The following COL18A1 variants were observed in gnomAD, a reference collection of about 807,000 sequenced individuals.
COL18A1 encodes the protein collagen type XVIII alpha 1 chain.
A neutral mutation model predicts 168.0 loss-of-function variants in COL18A1; 133 were observed. That is an observed-to-expected ratio of 0.79 (90% CI 0.69 to 0.91). The LOEUF is 0.91. Ranked by LOEUF, COL18A1 falls within the 40% of genes least tolerant of loss-of-function variation. The pLI, the probability that COL18A1 is intolerant of heterozygous loss-of-function variation, is 0.00. For missense variants in COL18A1, 2,126 were observed against 1,925.4 expected, an observed-to-expected ratio of 1.10 and a Z score of -1.95; for synonymous variants, 949 against 809.0, an observed-to-expected ratio of 1.17 and a Z score of -2.94.
chr21:45,501,160 A>T (rs1487765411), intron 32 of COL18A1, among the ~76,000 whole-genome samples: 3 of 151,946 alleles, frequency 2.0e-5, no homozygotes, highest in Non-Finnish European at 4.4e-5. Context: ...ACATGGTCAA[A>T]AATAAATGTT....
At chr21:45,467,467 G>A in intron 2 of COL18A1, 1 of 981,716 alleles carries the variant, frequency 1.0e-6, no homozygotes, top group Non-Finnish European at 1.2e-6. Context: ...GTGGCCCCGA[G>A]GGGAATCAGC....
Position 45,474,048 on chromosome 21 carries a change from G to C in COL18A1, c.738+67G>C, listed in dbSNP as rs1048158526. The C allele has an allele frequency of 1.6e-4, 206 of 1,305,080 alleles. No homozygotes were observed. In the African/African-American group the frequency reaches 2.8e-3, roughly 18 times the overall value. The allele number at this position is 1,305,080 out of a possible 1,614,324, so 80.8% of individuals were successfully genotyped here. On this transcript the variant is annotated intron_variant, in intron 4 of 41. Transcript: ENST00000651438. ...CCTGGCACGCGGAGTTCAGGGCCAA[G>C]GTCTATGACAGGAAAAGTCCCAAAA...
intron 32 of COL18A1, among the ~76,000 whole-genome samples, chr21:45,499,154 C>T (rs1183351773): frequency 6.6e-6 from 1 of 152,168 alleles, no homozygotes; most frequent in Non-Finnish European, 1.5e-5. Flanking sequence ...CCAAAATATC[C>T]AAGAAAGTCA....
intron 6 of COL18A1, 78 bp downstream of exon 6, chr21:45,476,558 G>C (rs186884759): frequency 6.6e-7 from 1 of 1,511,648 alleles, no homozygotes; most frequent in Non-Finnish European, 9.0e-7. Context: ...GTGATGGTGA[G>C]GTATGTGTGT....
At chr21:45,456,410 G>T in intron 2 of COL18A1, 1 of 1,545,654 alleles carries the variant, frequency 6.5e-7, no homozygotes, top group Non-Finnish European at 8.8e-7. Context: ...TCAGGTCGCA[G>T]TCACCACTTT....
chr21:45,444,685 A>G (rs1261588472), intron 2 of COL18A1, among the ~76,000 whole-genome samples: 2 of 151,768 alleles, frequency 1.3e-5, no homozygotes, highest in East Asian at 3.9e-4. Flanking sequence ...AGGAAACACT[A>G]CTCCACGTGT....
chr21:45,489,043 C>T (rs1010233118), intron 18 of COL18A1, among the ~76,000 whole-genome samples: 5 of 152,242 alleles, frequency 3.3e-5, no homozygotes, highest in African/African-American at 1.2e-4. Context: ...CGTGCGGGGC[C>T]AAGGGCGCAC....
In COL18A1 at chr21:45,512,423, G is replaced by A. The variant is rs775823940; in HGVS notation, c.*25G>A. 39 of 1,606,492 alleles carry A rather than the reference G, an allele frequency of 2.4e-5. No homozygotes were observed. The South Asian group carries it at 3.8e-4, about 16-fold the overall frequency. On this transcript the variant is annotated 3_prime_UTR_variant, in exon 42 of 42. Coordinates refer to ENST00000651438, the MANE Select transcript of COL18A1 (RefSeq NM_001379500.1). ...GCCACCGCCTGGATGCGGATGGCCG[G>A]AGAGGACCGGCGGCTCGGAGGAAGC...
At chr21:45,497,917 T>C in intron 32 of COL18A1, 1 of 608,368 alleles carries the variant, frequency 1.6e-6, no homozygotes, top group Non-Finnish European at 2.9e-6. Flanking sequence ...TGGCTGCCCT[T>C]CCATGCTAGA....
chr21:45,493,120 A>C, intron 24 of COL18A1, 43 bp from the exon 25 acceptor site: 2 of 1,530,000 alleles, frequency 1.3e-6, no homozygotes, highest in Non-Finnish European at 8.9e-7. Context: ...GGGATGGGGG[A>C]GATGCCAGCC....
chr21:45,502,857 C>T (rs1373307850), intron 32 of COL18A1: 1 of 152,200 alleles, frequency 6.6e-6, no homozygotes, highest in Non-Finnish European at 1.5e-5. Context: ...TTTCTCAGCA[C>T]GTCTCCCACG....
At chr21:45,460,622 G>C (rs1227572712) in intron 2 of COL18A1, among the ~76,000 whole-genome samples, 1 of 152,252 alleles carries the variant, frequency 6.6e-6, no homozygotes, top group Admixed American at 6.5e-5. Context: ...TGCTCCTTTA[G>C]TCAAATGCAG....
chr21:45,452,630 G>A (rs1602412664), intron 2 of COL18A1, among the ~76,000 whole-genome samples: 1 of 151,938 alleles, frequency 6.6e-6, no homozygotes, highest in Non-Finnish European at 1.5e-5. Flanking sequence ...TATCTGACAT[G>A]TAAGCATGTG....
At chr21:45,459,582 C>T (rs989027336) in intron 2 of COL18A1, among the ~76,000 whole-genome samples, 1 of 152,210 alleles carries the variant, frequency 6.6e-6, no homozygotes, top group African/African-American at 2.4e-5. Context: ...ACAGTGCAGC[C>T]GTGCTGGGGC....
chr21:45,484,378 ACAC>A (rs1476157868), intron 15 of COL18A1, among the ~76,000 whole-genome samples: 3 of 139,642 alleles, frequency 2.1e-5, no homozygotes, highest in Non-Finnish European at 3.0e-5. Flanking sequence ...ACACGCACAC[ACAC>A]ATCTCCAGCA....
At position 45,463,652 on chromosome 21, in the gene COL18A1, C is replaced by T. The variant is rs1237808105; in HGVS notation, c.107-4590C>T. Among the ~76,000 whole-genome samples the T allele has an allele frequency of 1.3e-5, 2 of 152,172 alleles. No homozygotes were observed. The highest frequency in any genetic ancestry group is 1.3e-4 in the Admixed American group (2 of 15,278). ...GTGGCTCACGTCTGTAATCCCAGCA[C>T]TTTGGGATGCCGAGGCATGCGGATC... is the stretch of plus-strand genomic sequence containing the variant. On this transcript the variant is annotated intron_variant, in intron 2 of 41. Coordinates refer to ENST00000651438, the MANE Select transcript of COL18A1 (RefSeq NM_001379500.1). This position sits in a 1 kb window ranked among gnomAD's most constrained non-coding sequence, Gnocchi z 4.0.
Position 45,455,434 on chromosome 21 carries a change from C to T in COL18A1, c.107-12808C>T, listed in dbSNP as rs893054570. On this transcript the variant is annotated intron_variant, in intron 2 of 41. Transcript: ENST00000651438. ...AGACAGCCGGCCAGAGGCTGGGAAG[C>T]CTGCACAGGGGAGGGCAGGAGGGCG... 508 of 1,549,200 alleles carry T rather than the reference C, an allele frequency of 3.3e-4. No individual in the cohort carries two copies. The African/African-American group carries it at 5.8e-3, about 18-fold the overall frequency.
Position 45,437,942 on chromosome 21 carries a change from TCAGA to T in COL18A1, c.107-30297_107-30294del, listed in dbSNP as rs1475190705. Among the ~76,000 whole-genome samples the T allele has an allele frequency of 4.7e-4, 5 of 10,650 alleles. 1 individual carries two copies. Among genetic ancestry groups the T allele is most frequent in the Admixed American group, 9.5e-4 (1 of 1,058 alleles). The allele number at this position is 10,650 out of a possible 152,430, so 7.0% of individuals were successfully genotyped here. A position where few individuals can be genotyped will look rare whatever the true frequency, so the allele number is the denominator to read the frequency against. On this transcript the variant is annotated intron_variant, in intron 2 of 41. Coordinates refer to ENST00000651438, the MANE Select transcript of COL18A1 (RefSeq NM_001379500.1). Reference sequence around the variant, plus strand: ...CTCTCCTGCACACACACACACACACTCAGACACACAGGCACTCTCCTGCACACAC... The same window carrying T: ...CTCTCCTGCACACACACACACACACTCACACAGGCACTCTCCTGCACACAC...
chr21:45,491,074 C>T (rs1367422193), intron 21 of COL18A1, 151 bp from the exon 22 acceptor site: 13 of 845,202 alleles, frequency 1.5e-5, no homozygotes, highest in Non-Finnish European at 2.2e-5. Context: ...CCTGCCCTGC[C>T]TGGCAGGGGG....
Sources: allele counts gnomAD v4.1 joint callset (sites outside exome capture counted in the v4.1 genomes callset), GRCh38; gene constraint gnomAD v4.1.1; non-coding constraint Gnocchi (gnomAD v3.1); transcripts MANE v1.5; gene names NCBI Gene and HGNC (gene_info 2026-07-23, HGNC 2026-07-21).